The following PRMT8 variants were observed in gnomAD, a reference collection of about 807,000 sequenced individuals.
PRMT8 encodes protein arginine N-methyltransferase 8.
Under a neutral mutation model 47.1 loss-of-function variants are expected in PRMT8, and 7 were observed. The observed-to-expected ratio is 0.15, with a 90% CI of 0.08 to 0.28. PRMT8 has a LOEUF of 0.28. Ranked by LOEUF, PRMT8 falls within the 10% of genes least tolerant of loss-of-function variation. PRMT8 has a pLI of 1.00. For synonymous variants in PRMT8, 188 were observed against 186.5 expected (o/e 1.01, Z -0.07); for missense variants, 237 against 505.4 (o/e 0.47, Z 5.09).
chr12:3,542,933 C>T lies in PRMT8; in HGVS notation c.261+2142C>T, dbSNP rs1185709326. 2.0e-5 allele frequency among the ~76,000 whole-genome samples: 3 copies of T among 152,244 alleles called. No homozygotes were observed. The East Asian group carries it at 5.8e-4, about 29-fold the overall frequency. On this transcript the variant is annotated intron_variant, in intron 2 of 9. Coordinates refer to ENST00000382622, the MANE Select transcript of PRMT8 (RefSeq NM_019854.5). Reference sequence around the variant, plus strand: ...TCATTCAGGCGATGCCTGGTCAGCACCATGACCCAGCACCCAGGGGAGAGG... The same window carrying T: ...TCATTCAGGCGATGCCTGGTCAGCATCATGACCCAGCACCCAGGGGAGAGG...
chr12:3,467,743 C>T (rs1024877344), intron 1 of PRMT8, among the ~76,000 whole-genome samples: 1 of 152,190 alleles, frequency 6.6e-6, no homozygotes, highest in Non-Finnish European at 1.5e-5. Context: ...GCAGTTTCAC[C>T]GAGGAGCAGG....
chr12:3,507,801 C>G (rs1429760874), intron 1 of PRMT8, among the ~76,000 whole-genome samples: 2 of 149,938 alleles, frequency 1.3e-5, no homozygotes, highest in Admixed American at 6.6e-5. Flanking sequence ...CTCTGTCACC[C>G]AGGCTGGAGT....
chr12:3,401,675 G>A (rs765457644), intron 1 of PRMT8, among the ~76,000 whole-genome samples: 50 of 151,926 alleles, frequency 3.3e-4, no homozygotes, highest in African/African-American at 1.2e-3. Context: ...ATTCTTATAC[G>A]CCAACAACAC....
intron 1 of PRMT8, among the ~76,000 whole-genome samples, chr12:3,457,800 G>T (rs1053677574): frequency 6.6e-6 from 1 of 150,642 alleles, no homozygotes; most frequent in Non-Finnish European, 1.5e-5. Context: ...CCCCCATCTG[G>T]ATTTGGACAT....
At chr12:3,496,199 GATATAT>G (rs1555085720) in intron 1 of PRMT8, among the ~76,000 whole-genome samples, 1 of 31,360 alleles carries the variant, frequency 3.2e-5, no homozygotes, top group African/African-American at 1.3e-4. Context: ...TTTGGAAACT[GATATAT>G]ATATATATAT....
chr12:3,438,343 G>A (rs375476149), intron 1 of PRMT8, among the ~76,000 whole-genome samples: 3 of 152,228 alleles, frequency 2.0e-5, no homozygotes, highest in African/African-American at 7.2e-5. Flanking sequence ...GCCACAACCT[G>A]TGTGAAGTGA....
chr12:3,451,035 C>CCCCCCCCT (rs1864912481), intron 1 of PRMT8, among the ~76,000 whole-genome samples: 1 of 5,054 alleles, frequency 2.0e-4, no homozygotes, highest in Non-Finnish European at 9.9e-4. Context: ...TTGCTGACAC[C>CCCCCCCCT]CCCCCCCCCC....
chr12:3,519,168 C>T (rs1255046677), intron 1 of PRMT8, among the ~76,000 whole-genome samples: 4 of 151,524 alleles, frequency 2.6e-5, no homozygotes, highest in Non-Finnish European at 5.9e-5. Flanking sequence ...CACGGCTCAG[C>T]TCGTGGCCAG....
chr12:3,539,956 T>A (rs1026930505), intron 1 of PRMT8, among the ~76,000 whole-genome samples: 5 of 152,198 alleles, frequency 3.3e-5, no homozygotes, highest in Admixed American at 1.3e-4. Flanking sequence ...TGATGCTGCC[T>A]GTTGAGTGGA....
At position 3,535,910 on chromosome 12, in the gene PRMT8, G is replaced by A. The variant is rs1207689537; in HGVS notation, c.76-4696G>A. ...CTTCACTCAGAGACTCTGCTTGCCTGGTGTGGCTTAGGGAGGAGTTGAGCC... is the reference window on the plus strand; with the variant it reads ...CTTCACTCAGAGACTCTGCTTGCCTAGTGTGGCTTAGGGAGGAGTTGAGCC... On this transcript the variant is annotated intron_variant, in intron 1 of 9. Coordinates refer to ENST00000382622, the MANE Select transcript of PRMT8 (RefSeq NM_019854.5). This position sits in a 1 kb window ranked among gnomAD's most constrained non-coding sequence, Gnocchi z 4.7. Among the ~76,000 whole-genome samples, 1 of 152,150 alleles carries A rather than the reference G, an allele frequency of 6.6e-6. No individual in the cohort carries two copies.
Position 3,572,113 on chromosome 12 carries a change from G to A in PRMT8, c.712+2549G>A, listed in dbSNP as rs957741236. On this transcript the variant is annotated intron_variant, in intron 6 of 9. Coordinates refer to ENST00000382622, the MANE Select transcript of PRMT8 (RefSeq NM_019854.5). This position sits in a 1 kb window ranked among gnomAD's most constrained non-coding sequence, Gnocchi z 5.9. ...TCTTCTTCTTTCTCAACCACACACA[G>A]CAACATGGGAGTGCAAGAATGAGGT... Among the ~76,000 whole-genome samples the A allele has an allele frequency of 6.6e-6, 1 of 151,674 alleles. No homozygotes were observed. Among genetic ancestry groups the A allele is most frequent in the Non-Finnish European group, 1.5e-5 (1 of 67,990 alleles).
intron 1 of PRMT8, among the ~76,000 whole-genome samples, chr12:3,426,182 G>A (rs946936680): frequency 1.3e-5 from 2 of 152,230 alleles, no homozygotes; most frequent in Admixed American, 1.3e-4. Flanking sequence ...GACAATGTGG[G>A]CCTCTGGCCT....
rs1867116579 is a variant in PRMT8, at chr12:3,583,749, G to T, written c.979+541G>T. On this transcript the variant is annotated intron_variant, in intron 8 of 9. Coordinates refer to ENST00000382622, the MANE Select transcript of PRMT8 (RefSeq NM_019854.5). This position sits in a 1 kb window ranked among gnomAD's most constrained non-coding sequence, Gnocchi z 4.7. ...TCCCAAATCCCAGCCCCGCTTACGA[G>T]GTGCCTCGCTGCCTGCAGTAGATAA... Among the ~76,000 whole-genome samples, 1 of 152,194 alleles carries T rather than the reference G, an allele frequency of 6.6e-6. No homozygotes were observed. Among genetic ancestry groups the T allele is most frequent in the South Asian group, 2.1e-4 (1 of 4,828 alleles).
intron 1 of PRMT8, among the ~76,000 whole-genome samples, chr12:3,450,784 A>C (rs1864907958): frequency 6.6e-6 from 1 of 152,222 alleles, no homozygotes; most frequent in Non-Finnish European, 1.5e-5. Flanking sequence ...TCCAAAGTTG[A>C]GATTTAATAT....
intron 1 of PRMT8, among the ~76,000 whole-genome samples, chr12:3,506,525 C>T (rs1865626942): frequency 6.6e-6 from 1 of 152,142 alleles, no homozygotes; most frequent in Admixed American, 6.5e-5. Flanking sequence ...TCCACTGTGC[C>T]ATGTGAAGGG....
intron 1 of PRMT8, among the ~76,000 whole-genome samples, chr12:3,388,512 C>A (rs1245384940): frequency 6.6e-6 from 1 of 152,248 alleles, no homozygotes; most frequent in African/African-American, 2.4e-5. Flanking sequence ...TGTGAATACC[C>A]CTCATCAGGT....
chr12:3,434,896 C>G lies in PRMT8; in HGVS notation c.48+53454C>G, dbSNP rs188656397. ...GCTTGACTGCTTGTGGCTCCATAGA[C>G]GCCCTCACTCTCAGGCCAGACAAAG... On this transcript the variant is annotated intron_variant, in intron 1 of 9. Coordinates refer to the PRMT8 transcript ENST00000452611. Among the ~76,000 whole-genome samples the G allele has an allele frequency of 4.7e-3, 714 of 151,740 alleles. 26 individuals carry two copies. Among genetic ancestry groups the G allele is most frequent in the Admixed American group, 0.041 (630 of 15,236 alleles).
At chr12:3,388,607 A>G (rs1864163130) in intron 1 of PRMT8, among the ~76,000 whole-genome samples, 1 of 146,554 alleles carries the variant, frequency 6.8e-6, no homozygotes, top group South Asian at 2.3e-4. Context: ...GGTAGACACT[A>G]TTATGACCCA....
intron 2 of PRMT8, among the ~76,000 whole-genome samples, chr12:3,548,295 C>A (rs1866360397): frequency 6.6e-6 from 1 of 151,058 alleles, no homozygotes; most frequent in Non-Finnish European, 1.5e-5. Flanking sequence ...AGACAGGGCA[C>A]AAAAAGCACC....
Sources: allele counts gnomAD v4.1 joint callset (sites outside exome capture counted in the v4.1 genomes callset), GRCh38; gene constraint gnomAD v4.1.1; non-coding constraint Gnocchi (gnomAD v3.1); transcripts MANE v1.5; gene names NCBI Gene and HGNC (gene_info 2026-07-23, HGNC 2026-07-21).